C6: variants seen among roughly 807,000 people sequenced by gnomAD.
C6 encodes the protein complement component C6.
In C6, 101 loss-of-function variants were observed where a neutral mutation model predicts 112.9. The observed-to-expected ratio is 0.89, with a 90% CI of 0.76 to 1.06. C6 has a LOEUF of 1.06. Among genes scored for constraint, C6 ranks in the 50% least tolerant of loss-of-function variants. C6 has a pLI of 0.00. For missense variants in C6, 1,202 were observed against 1,104.6 expected, an observed-to-expected ratio of 1.09 and a Z score of -1.25; for synonymous variants, 431 against 384.1, an observed-to-expected ratio of 1.12 and a Z score of -1.43.
At chr5:41,196,281 C>T (rs1750612199) in intron 4 of C6, among the ~76,000 whole-genome samples, 1 of 151,730 alleles carries the variant, frequency 6.6e-6, no homozygotes, top group Non-Finnish European at 1.5e-5. Context: ...ATGGGAGACT[C>T]AAGGTCACTG....
chr5:41,234,309 T>C (rs1740097091), intron 1 of C6, among the ~76,000 whole-genome samples: 1 of 151,706 alleles, frequency 6.6e-6, no homozygotes, highest in Non-Finnish European at 1.5e-5. Context: ...AATATTCCAG[T>C]GTGGGATACT....
intron 8 of C6, chr5:41,172,581 T>C: frequency 1.7e-6 from 1 of 574,446 alleles, no homozygotes; most frequent in Non-Finnish European, 3.1e-6. Context: ...ATCTCCCCTT[T>C]CAGCACTGAC....
At chr5:41,179,302 T>C (rs1749123307) in intron 7 of C6, among the ~76,000 whole-genome samples, 1 of 152,246 alleles carries the variant, frequency 6.6e-6, no homozygotes, top group African/African-American at 2.4e-5. Flanking sequence ...ATAAGGGTTT[T>C]ACAAACGTTC....
intron 1 of C6, among the ~76,000 whole-genome samples, chr5:41,251,963 G>T (rs1561207361): frequency 6.6e-6 from 1 of 152,284 alleles, no homozygotes; most frequent in East Asian, 1.9e-4. Context: ...AAGGAGAGAG[G>T]CAAGAAGCTA....
Position 41,199,889 on chromosome 5 carries a change from A to G in C6, c.324T>C (p.Arg108=). 2 of 1,613,748 alleles carry G rather than the reference A, an allele frequency of 1.2e-6. No homozygotes were observed. The highest frequency in any genetic ancestry group is 1.7e-6 in the Non-Finnish European group (2 of 1,179,740). Residue 108 remains arginine (R), a synonymous_variant, in exon 4 of 18, where the codon CGT becomes CGC. Transcript: ENST00000337836. ...EKQSKVRSVL[R]PSQFGGQPCT... is the part of the protein sequence containing the mutation. ...ATGGCTGTCCCCCAAACTGACTGGG[A>G]CGCAAGACAGATCTAACTTTAGACT... is the stretch of plus-strand genomic sequence containing the variant.
chr5:41,176,394 T>A, intron 8 of C6, 81 bp downstream of exon 8: 1 of 1,392,376 alleles, frequency 7.2e-7, no homozygotes, highest in Non-Finnish European at 1.0e-6. Flanking sequence ...CAAAGCAGAA[T>A]AATTAAAATG....
chr5:41,228,370 T>C (rs889781001), intron 1 of C6, among the ~76,000 whole-genome samples: 1 of 152,144 alleles, frequency 6.6e-6, no homozygotes, highest in African/African-American at 2.4e-5. Flanking sequence ...GTGCAGTCTT[T>C]AGGGTTTTCT....
chr5:41,203,118 G>A lies in C6; in HGVS notation c.113C>T (p.Thr38Ile), dbSNP rs1334156465. ...AWTQWTSCSK[T>I]CNSGTQSRHR... ...TCTGCTCTGGGTTCCAGAATTGCAA[G>A]TTTTTGAGCAGCTGGTCCACTGAGT... Residue 38 changes from threonine (T) to isoleucine (I), a missense_variant, in exon 2 of 18, where the codon ACT becomes ATT. Transcript: ENST00000337836. 6 of 1,614,090 alleles carry A rather than the reference G, an allele frequency of 3.7e-6. No individual in the cohort carries two copies. The highest frequency in any genetic ancestry group is 5.1e-6 in the Non-Finnish European group (6 of 1,179,960).
At chr5:41,220,250 A>C (rs1328311118) in intron 1 of C6, among the ~76,000 whole-genome samples, 1 of 152,134 alleles carries the variant, frequency 6.6e-6, no homozygotes, top group African/African-American at 2.4e-5. Context: ...TGTCTTACCA[A>C]CCTTCCCTGG....
chr5:41,257,984 C>A (rs1388841017), intron 1 of C6, among the ~76,000 whole-genome samples: 4 of 151,918 alleles, frequency 2.6e-5, no homozygotes, highest in African/African-American at 4.8e-5. Context: ...AGAAAAAAAT[C>A]TTTTTACATA....
At chr5:41,144,381 C>A (rs955008657) in intron 17 of C6, among the ~76,000 whole-genome samples, 3 of 152,104 alleles carry the variant, frequency 2.0e-5, no homozygotes, top group African/African-American at 7.2e-5. Flanking sequence ...GATCCTCCCA[C>A]CTTAGCCACC....
In C6 at chr5:41,199,889, A is replaced by T; in HGVS notation, c.324T>A (p.Arg108=). 6.2e-7 allele frequency: 1 copy of T among 1,613,748 alleles called. No individual in the cohort carries two copies. Among genetic ancestry groups the T allele is most frequent in the East Asian group, 2.2e-5 (1 of 44,846 alleles). ...ATGGCTGTCCCCCAAACTGACTGGG[A>T]CGCAAGACAGATCTAACTTTAGACT... The part of the protein sequence containing the change: ...EKQSKVRSVL[R]PSQFGGQPCT... The change falls in exon 4 of 18, where the codon CGT becomes CGA. Residue 108 remains arginine (R), a synonymous_variant. Transcript: ENST00000337836.
At chr5:41,188,156 C>G (rs1749927190) in intron 5 of C6, among the ~76,000 whole-genome samples, 1 of 152,148 alleles carries the variant, frequency 6.6e-6, no homozygotes, top group Non-Finnish European at 1.5e-5. Flanking sequence ...GAAAGACATT[C>G]CATATTAGTG....
chr5:41,240,880 G>A (rs1740664368), intron 1 of C6, among the ~76,000 whole-genome samples: 1 of 152,180 alleles, frequency 6.6e-6, no homozygotes. Context: ...ATAAGGTGTA[G>A]TGGGCACAGT....
chr5:41,201,804 A>G (rs1012887617), intron 2 of C6, 90 bp from the exon 3 acceptor site: 1 of 1,215,190 alleles, frequency 8.2e-7, no homozygotes, highest in Non-Finnish European at 1.2e-6. Flanking sequence ...ATTAACTACA[A>G]TAAATAGAAA....
chr5:41,167,179 G>A (rs975696072), intron 9 of C6, among the ~76,000 whole-genome samples: 3 of 151,896 alleles, frequency 2.0e-5, no homozygotes, highest in African/African-American at 7.3e-5. Context: ...TTTGTCTTTC[G>A]AGATCTCAAG....
At chr5:41,198,536 G>A (rs184896139) in intron 4 of C6, among the ~76,000 whole-genome samples, 23 of 152,180 alleles carry the variant, frequency 1.5e-4, no homozygotes, top group Non-Finnish European at 1.9e-4. Flanking sequence ...AGTAGCAGCC[G>A]CTTAACAACC....
chr5:41,184,425 T>C (rs1386727089), intron 6 of C6, among the ~76,000 whole-genome samples: 2 of 152,192 alleles, frequency 1.3e-5, no homozygotes, highest in Non-Finnish European at 2.9e-5. Context: ...ATTTGCTGTA[T>C]AACTCTGAGA....
At chr5:41,191,379 A>C (rs956876364) in intron 5 of C6, among the ~76,000 whole-genome samples, 1 of 151,924 alleles carries the variant, frequency 6.6e-6, no homozygotes, top group Non-Finnish European at 1.5e-5. Context: ...TTTGCTCAAG[A>C]TTGCTTTGGC....
Sources: gnomAD v4.1 joint callset for allele counts (sites outside exome capture counted in the v4.1 genomes callset) on GRCh38, gnomAD v4.1.1 for gene constraint, MANE v1.5 for transcripts, NCBI Gene and HGNC (gene_info 2026-07-23, HGNC 2026-07-21) for gene names.